Variants in SGCZ observed in about 807,000 individuals in gnomAD.
The protein encoded by SGCZ is sarcoglycan zeta.
In SGCZ, 40 loss-of-function variants were observed where a neutral mutation model predicts 41.3. That is an observed-to-expected ratio of 0.97 (90% confidence interval 0.75 to 1.26). The LOEUF is 1.26. Ranked by LOEUF, SGCZ falls within the 50% of genes most tolerant of loss-of-function variation. SGCZ has a pLI of 0.00. For synonymous variants in SGCZ, 206 were observed against 137.5 expected (o/e 1.50, Z -3.49); for missense variants, 552 against 369.8 (o/e 1.49, Z -4.04).
At chr8:14,519,229 G>A (rs1473077413) in intron 2 of SGCZ, among the ~76,000 whole-genome samples, 3 of 152,038 alleles carry the variant, frequency 2.0e-5, no homozygotes, top group African/African-American at 7.2e-5. Context: ...TGCTCTGGAA[G>A]CTGTTTTCTT....
intron 3 of SGCZ, among the ~76,000 whole-genome samples, chr8:14,297,403 GTAAT>G: frequency 6.6e-6 from 1 of 151,000 alleles, no homozygotes; most frequent in South Asian, 2.1e-4. Flanking sequence ...ATAGAAATAA[GTAAT>G]TAAGAGAAAT....
At chr8:15,209,947 G>T (rs1264138766) in intron 1 of SGCZ, among the ~76,000 whole-genome samples, 2 of 152,176 alleles carry the variant, frequency 1.3e-5, no homozygotes, top group African/African-American at 4.8e-5. Flanking sequence ...TTAGGAGATG[G>T]CAGTTATGGA....
At chr8:14,937,234 G>C (rs1800111426) in intron 1 of SGCZ, among the ~76,000 whole-genome samples, 1 of 151,268 alleles carries the variant, frequency 6.6e-6, no homozygotes, top group African/African-American at 2.4e-5. Context: ...AGGAATTAAA[G>C]AGATAGTTAT....
intron 1 of SGCZ, among the ~76,000 whole-genome samples, chr8:15,188,783 T>C (rs1184401837): frequency 6.6e-6 from 1 of 152,016 alleles, no homozygotes; most frequent in Non-Finnish European, 1.5e-5. Context: ...AAGACATCCA[T>C]TGTCATATTG....
At chr8:14,315,417 T>C (rs548751625) in intron 3 of SGCZ, among the ~76,000 whole-genome samples, 2 of 152,166 alleles carry the variant, frequency 1.3e-5, no homozygotes, top group South Asian at 2.1e-4. Context: ...TATAGTCAAA[T>C]AGCAAACTAA....
intron 2 of SGCZ, among the ~76,000 whole-genome samples, chr8:14,360,420 G>C (rs937657789): frequency 6.6e-6 from 1 of 151,686 alleles, no homozygotes; most frequent in Admixed American, 6.6e-5. Context: ...CCGCCTCCTA[G>C]GTTCAACTGA....
intron 1 of SGCZ, among the ~76,000 whole-genome samples, chr8:14,634,433 T>A (rs778888211): frequency 6.6e-5 from 10 of 151,906 alleles, no homozygotes; most frequent in Non-Finnish European, 1.3e-4. Context: ...TTTTGAGTAT[T>A]TGGCCACTTA....
At chr8:14,882,726 T>C (rs1036721575) in intron 1 of SGCZ, among the ~76,000 whole-genome samples, 4 of 152,026 alleles carry the variant, frequency 2.6e-5, no homozygotes, top group Non-Finnish European at 5.9e-5. Context: ...CTCCTGGTAA[T>C]ACCTTCCTCA....
At chr8:14,278,466 A>G (rs949144372) in intron 3 of SGCZ, among the ~76,000 whole-genome samples, 3 of 152,196 alleles carry the variant, frequency 2.0e-5, no homozygotes, top group African/African-American at 7.2e-5. Flanking sequence ...CTCAATGGAA[A>G]AAGTATGCAG....
intron 2 of SGCZ, among the ~76,000 whole-genome samples, chr8:14,384,530 T>A (rs970662285): frequency 2.0e-5 from 3 of 152,194 alleles, no homozygotes; most frequent in African/African-American, 4.8e-5. Context: ...CCTTTAGCTA[T>A]GTCTAATTAC....
At chr8:14,644,495 C>G (rs79252636) in intron 1 of SGCZ, among the ~76,000 whole-genome samples, 28,901 of 151,568 alleles carry the variant, frequency 0.19, 3,197 homozygotes, top group East Asian at 0.58. Flanking sequence ...GTTGTGCCAG[C>G]CAATTTTTAA....
chr8:14,192,863 T>C (rs892095961), intron 4 of SGCZ, among the ~76,000 whole-genome samples: 2 of 152,074 alleles, frequency 1.3e-5, no homozygotes, highest in Non-Finnish European at 2.9e-5. Context: ...GAACATGAAA[T>C]AATCAGTGCA....
Position 14,452,298 on chromosome 8 carries a change from G to A in SGCZ, c.234+102434C>T, listed in dbSNP as rs145343268. 9.2e-5 allele frequency among the ~76,000 whole-genome samples: 14 copies of A among 152,186 alleles called. No individual in the cohort carries two copies. The East Asian group carries it at 2.5e-3, about 27-fold the overall frequency. On this transcript the variant is annotated intron_variant, in intron 2 of 7. Coordinates refer to ENST00000382080, the MANE Select transcript of SGCZ (RefSeq NM_139167.4). ...AAGTAAGATTAGTCACTGTCGGGGG[G>A]TGAGGGGAGGGACGAATTAACAGGA...
intron 1 of SGCZ, among the ~76,000 whole-genome samples, chr8:14,688,510 T>C (rs371719004): frequency 1.1e-4 from 16 of 152,280 alleles, no homozygotes; most frequent in Admixed American, 2.6e-4. Flanking sequence ...GTTGTAGATA[T>C]GCAGCATTAT....
intron 2 of SGCZ, among the ~76,000 whole-genome samples, chr8:14,361,731 G>A (rs1334124416): frequency 1.3e-5 from 2 of 152,210 alleles, no homozygotes; most frequent in Non-Finnish European, 2.9e-5. Context: ...TGCTGGTGAG[G>A]AGTTGTGTTC....
chr8:14,602,028 G>C (rs919434521), intron 1 of SGCZ, among the ~76,000 whole-genome samples: 2 of 152,206 alleles, frequency 1.3e-5, no homozygotes, highest in Admixed American at 6.5e-5. Flanking sequence ...GCTGAGGCAG[G>C]AGAATGGCAT....
At chr8:14,118,145 T>C (rs1037813957) in intron 5 of SGCZ, among the ~76,000 whole-genome samples, 7 of 152,136 alleles carry the variant, frequency 4.6e-5, no homozygotes, top group African/African-American at 1.7e-4. Context: ...TCTAGATCCT[T>C]GAGGAATCGC....
At chr8:14,241,316 A>T (rs1030297427) in intron 3 of SGCZ, among the ~76,000 whole-genome samples, 5 of 151,516 alleles carry the variant, frequency 3.3e-5, no homozygotes, top group African/African-American at 9.7e-5. Flanking sequence ...TATTTTGTTG[A>T]TATTTTCTCA....
intron 2 of SGCZ, 76 bp downstream of exon 2, chr8:14,554,656 T>C: frequency 2.5e-6 from 3 of 1,208,204 alleles, no homozygotes; most frequent in Non-Finnish European, 3.4e-6. Flanking sequence ...TAACTTTTGA[T>C]TAAAAAATTA....
Sources: gnomAD v4.1 joint callset for allele counts (sites outside exome capture counted in the v4.1 genomes callset) on GRCh38, gnomAD v4.1.1 for gene constraint, MANE v1.5 for transcripts, NCBI Gene and HGNC (gene_info 2026-07-23, HGNC 2026-07-21) for gene names.